Variants in XIRP2 observed in about 807,000 individuals in gnomAD.
The protein encoded by XIRP2 is xin actin binding repeat containing 2.
XIRP2 carries 236 observed loss-of-function variants against 277.0 expected under a neutral mutation model. That is an observed-to-expected ratio of 0.85 (90% CI 0.77 to 0.95). The LOEUF is 0.95. XIRP2 is among the 40% of genes least tolerant of loss of function. XIRP2 has a pLI of 0.00. For synonymous variants in XIRP2, 1,490 were observed against 1,416.5 expected, an observed-to-expected ratio of 1.05 and a Z score of -1.17; for missense variants, 4,640 against 4,157.5, an observed-to-expected ratio of 1.12 and a Z score of -3.19.
At chr2:167,241,742 T>A in intron 7 of XIRP2, 35 bp from the exon 8 acceptor site, 1 of 1,569,128 alleles carries the variant, frequency 6.4e-7, no homozygotes, top group South Asian at 1.2e-5. Flanking sequence ...TTTTAGTAAT[T>A]ACATAGTAAC....
At chr2:167,139,700 T>G (rs1391608417) in intron 3 of XIRP2, among the ~76,000 whole-genome samples, 1 of 152,208 alleles carries the variant, frequency 6.6e-6, no homozygotes, top group Non-Finnish European at 1.5e-5. Flanking sequence ...TTACATATCT[T>G]ATTTTTTGTT....
rs374957597 is a variant in XIRP2, at chr2:167,207,338, G to T, written c.563-3397G>T. 6.6e-5 allele frequency among the ~76,000 whole-genome samples: 10 copies of T among 152,152 alleles called. No individual in the cohort carries two copies. The South Asian group carries it at 1.7e-3, about 25-fold the overall frequency. ...AATTCTTTATCTGATTATATAAATT[G>T]TAAAATTAGGAGAAAATTCTAGAAT... On this transcript the variant is annotated intron_variant, in intron 3 of 10. Coordinates refer to ENST00000409195, the MANE Select transcript of XIRP2 (RefSeq NM_152381.6).
intron 5 of XIRP2, among the ~76,000 whole-genome samples, chr2:167,221,132 T>TTG (rs951394321): frequency 3.5e-4 from 53 of 152,018 alleles, no homozygotes; most frequent in African/African-American, 1.2e-3. Context: ...TAAACACCAT[T>TTG]TGTTGAATGA....
At chr2:167,176,534 G>A (rs1396112808) in intron 3 of XIRP2, among the ~76,000 whole-genome samples, 1 of 152,192 alleles carries the variant, frequency 6.6e-6, no homozygotes, top group Non-Finnish European at 1.5e-5. Context: ...TCTATTGACT[G>A]TGTTTTCTTT....
chr2:167,126,411 C>T (rs1691205304), intron 2 of XIRP2, among the ~76,000 whole-genome samples: 1 of 152,080 alleles, frequency 6.6e-6, no homozygotes, highest in Non-Finnish European at 1.5e-5. Context: ...AATGTTGATT[C>T]ATGGAGGAGA....
intron 3 of XIRP2, among the ~76,000 whole-genome samples, chr2:167,156,622 A>T (rs1574306021): frequency 6.6e-6 from 1 of 152,194 alleles, no homozygotes. Context: ...CATTTGAGTG[A>T]ATATATGATT....
chr2:167,244,981 G>A lies in XIRP2; in HGVS notation c.3589G>A (p.Val1197Ile). The A allele has an allele frequency of 6.2e-7, 1 of 1,613,374 alleles. No individual in the cohort carries two copies. The highest frequency in any genetic ancestry group is 8.5e-7 in the Non-Finnish European group (1 of 1,179,696). Residue 1197 changes from valine to isoleucine, a missense_variant, in exon 9 of 11, where the codon GTT (valine) becomes ATT (isoleucine). Transcript: ENST00000409195. ...PVEMDIQAGD[V>I]SSMRYKFENQ... is the part of the protein sequence containing the mutation. Reference sequence around the variant, plus strand: ...TGAAATGGATATACAAGCTGGAGATGTTTCCAGCATGAGGTATAAATTTGA... The same window carrying A: ...TGAAATGGATATACAAGCTGGAGATATTTCCAGCATGAGGTATAAATTTGA...
chr2:167,072,959 T>C (rs1196362936), intron 2 of XIRP2, among the ~76,000 whole-genome samples: 1 of 152,124 alleles, frequency 6.6e-6, no homozygotes, highest in African/African-American at 2.4e-5. Flanking sequence ...TTTATCCTAC[T>C]GATTAACCAA....
At chr2:167,172,473 A>C (rs1431747319) in intron 3 of XIRP2, among the ~76,000 whole-genome samples, 1 of 152,164 alleles carries the variant, frequency 6.6e-6, no homozygotes, top group African/African-American at 2.4e-5. Flanking sequence ...CATCCTAATA[A>C]GCCTGGGAGC....
chr2:167,230,479 A>T (rs1694719110), intron 5 of XIRP2, among the ~76,000 whole-genome samples: 1 of 152,024 alleles, frequency 6.6e-6, no homozygotes, highest in Admixed American at 6.6e-5. Flanking sequence ...GATTATGATA[A>T]TAAGAAATAG....
intron 2 of XIRP2, among the ~76,000 whole-genome samples, chr2:167,135,333 C>A (rs896638748): frequency 6.6e-6 from 1 of 151,890 alleles, no homozygotes; most frequent in African/African-American, 2.4e-5. Flanking sequence ...TTTATATTTC[C>A]TTTCTTTGGG....
chr2:167,164,256 C>T (rs182669298), intron 3 of XIRP2, among the ~76,000 whole-genome samples: 55 of 151,146 alleles, frequency 3.6e-4, no homozygotes, highest in African/African-American at 1.1e-3. Context: ...CTGGCTAACA[C>T]GGTGAAACCC....
chr2:166,899,471 TC>T (rs1247948549), intron 1 of XIRP2, among the ~76,000 whole-genome samples: 1 of 152,134 alleles, frequency 6.6e-6, no homozygotes, highest in Non-Finnish European at 1.5e-5. Flanking sequence ...CTTTCTTCCT[TC>T]CTGATATTTC....
chr2:167,138,171 C>A (rs957655802), intron 3 of XIRP2, among the ~76,000 whole-genome samples: 1 of 152,132 alleles, frequency 6.6e-6, no homozygotes, highest in Non-Finnish European at 1.5e-5. Flanking sequence ...TCTTAACTAG[C>A]CGCAAGAGTT....
Position 167,259,519 on chromosome 2 carries a change from A to G in XIRP2, c.*1702A>G. 1 of 663,398 alleles carries G rather than the reference A, an allele frequency of 1.5e-6. No homozygotes were observed. The highest frequency in any genetic ancestry group is 3.2e-5 in the South Asian group (1 of 31,536). 41.1% of individuals were successfully genotyped at this position (663,398 alleles called of 1,614,324 possible). ...ATCTCAATGGGATATTTCTTGTATT[A>G]CACCTTGTCATTTTTTTCACAATTT... On this transcript the variant is annotated 3_prime_UTR_variant, in exon 11 of 11. Coordinates refer to ENST00000409195, the MANE Select transcript of XIRP2 (RefSeq NM_152381.6).
intron 2 of XIRP2, among the ~76,000 whole-genome samples, chr2:166,944,220 T>C (rs1040586138): frequency 6.6e-6 from 1 of 152,230 alleles, no homozygotes; most frequent in African/African-American, 2.4e-5. Flanking sequence ...TTAATGATTA[T>C]TTAAAACGTG....
At chr2:167,038,916 C>CA (rs564226995) in intron 2 of XIRP2, among the ~76,000 whole-genome samples, 32 of 151,782 alleles carry the variant, frequency 2.1e-4, no homozygotes, top group East Asian at 5.8e-4. Flanking sequence ...CATTAAAAAA[C>CA]AAAAAAAATC....
intron 2 of XIRP2, among the ~76,000 whole-genome samples, chr2:167,028,688 C>T (rs1275762343): frequency 6.6e-6 from 1 of 151,344 alleles, no homozygotes; most frequent in African/African-American, 2.4e-5. Context: ...CAAGAACATC[C>T]AGGAAAACAT....
chr2:166,901,572 CA>C (rs1442303141), intron 1 of XIRP2, among the ~76,000 whole-genome samples: 1 of 152,024 alleles, frequency 6.6e-6, no homozygotes, highest in Admixed American at 6.6e-5. Context: ...TGGTTGGCTC[CA>C]AAACAATTCT....
Sources: allele counts gnomAD v4.1 joint callset (sites outside exome capture counted in the v4.1 genomes callset), GRCh38; gene constraint gnomAD v4.1.1; transcripts MANE v1.5; gene names NCBI Gene and HGNC (gene_info 2026-07-23, HGNC 2026-07-21).